PTER: variants seen among roughly 807,000 people sequenced by gnomAD.
The protein encoded by PTER is N-acetyltaurine hydrolase.
PTER carries 38 observed loss-of-function variants against 29.6 expected under a neutral mutation model. The observed-to-expected ratio is 1.28, with a 90% CI of 0.99 to 1.68. PTER has a LOEUF of 1.68. PTER is among the 40% of genes most tolerant of loss of function. PTER has a pLI of 0.00. For missense variants in PTER, 482 were observed against 427.8 expected (o/e 1.13, Z -1.12); for synonymous variants, 172 against 154.5 (o/e 1.11, Z -0.84).
chr10:16,510,894 A>T, intron 4 of PTER, 152 bp from the exon 5 acceptor site: 2 of 647,562 alleles, frequency 3.1e-6, no homozygotes, highest in South Asian at 3.8e-5. Context: ...GTCACCACAC[A>T]ATATTTATTA....
At chr10:16,498,965 CT>C (rs1353792202) in intron 3 of PTER, among the ~76,000 whole-genome samples, 4 of 152,178 alleles carry the variant, frequency 2.6e-5, no homozygotes, top group Non-Finnish European at 4.4e-5. Flanking sequence ...GTGAGTGTGT[CT>C]CCGTAGTGTG....
rs532809138 is a variant in PTER, at chr10:16,440,223, G to A, written c.-49+3176G>A. Among the ~76,000 whole-genome samples the A allele has an allele frequency of 8.6e-5, 13 of 151,778 alleles. No individual in the cohort carries two copies. The East Asian group carries it at 2.1e-3, about 25-fold the overall frequency. On this transcript the variant is annotated intron_variant, in intron 1 of 4. Transcript: ENST00000535784. Reference sequence around the variant, plus strand: ...TGGAAATATAGGCATGCACCACCACGCCCAGCTAATTTTTTTGTATTTTTG... The same window carrying A: ...TGGAAATATAGGCATGCACCACCACACCCAGCTAATTTTTTTGTATTTTTG...
intron 1 of PTER, among the ~76,000 whole-genome samples, chr10:16,459,794 G>A (rs999597240): frequency 6.6e-6 from 1 of 151,786 alleles, no homozygotes; most frequent in African/African-American, 2.4e-5. Context: ...CCTTACTCAG[G>A]CTGGGGTGCA....
At chr10:16,448,577 C>T (rs79135906) in intron 1 of PTER, among the ~76,000 whole-genome samples, 1,527 of 152,250 alleles carry the variant, frequency 0.01, 13 homozygotes, top group Non-Finnish European at 0.015. Flanking sequence ...AGGTGGAAGG[C>T]CCCTGAATTT....
chr10:16,447,877 G>A (rs1401776858), intron 1 of PTER, among the ~76,000 whole-genome samples: 3 of 152,150 alleles, frequency 2.0e-5, no homozygotes, highest in Non-Finnish European at 4.4e-5. Context: ...CAGGATTGGA[G>A]ACCATGGGCA....
intron 3 of PTER, among the ~76,000 whole-genome samples, chr10:16,495,651 C>T (rs1359154280): frequency 6.6e-6 from 1 of 152,088 alleles, no homozygotes; most frequent in Non-Finnish European, 1.5e-5. Flanking sequence ...TGCATAAATT[C>T]AGATGTCAGG....
intron 3 of PTER, among the ~76,000 whole-genome samples, chr10:16,499,043 G>C (rs1252514134): frequency 6.6e-6 from 1 of 152,148 alleles, no homozygotes; most frequent in African/African-American, 2.4e-5. Flanking sequence ...GGGGCAGCCT[G>C]GTTTAAGAAC....
At chr10:16,438,194 C>T (rs1407345379) in intron 1 of PTER, among the ~76,000 whole-genome samples, 1 of 151,976 alleles carries the variant, frequency 6.6e-6, no homozygotes, top group Non-Finnish European at 1.5e-5. Flanking sequence ...TTAGTAGAGA[C>T]GGGGTTTCAC....
rs141112424 is a variant in PTER, at chr10:16,467,036, A to G, written c.-48-17301A>G. 1.6e-4 allele frequency among the ~76,000 whole-genome samples: 24 copies of G among 152,294 alleles called. No individual in the cohort carries two copies. In the East Asian group the frequency reaches 2.3e-3, roughly 15 times the overall value. ...CAATGCAGATAGGAAATGTCTTTGG[A>G]GATGAAGTCACTTGCTGTTATTTTT... On this transcript the variant is annotated intron_variant, in intron 1 of 4. Transcript: ENST00000535784.
intron 1 of PTER, among the ~76,000 whole-genome samples, chr10:16,460,816 AAGAG>A (rs2133391210): frequency 6.6e-6 from 1 of 152,228 alleles, no homozygotes; most frequent in African/African-American, 2.4e-5. Context: ...TCCCGGGTTC[AAGAG>A]ATTCTCCTGC....
At chr10:16,509,953 TG>T (rs1836748317) in intron 4 of PTER, among the ~76,000 whole-genome samples, 1 of 152,206 alleles carries the variant, frequency 6.6e-6, no homozygotes, top group African/African-American at 2.4e-5. Context: ...CCCCACGTTT[TG>T]CTCACTGTAG....
chr10:16,498,872 G>T (rs1588626618), intron 3 of PTER, among the ~76,000 whole-genome samples: 1 of 152,198 alleles, frequency 6.6e-6, no homozygotes. Flanking sequence ...AAGCCATCCA[G>T]CTGAATGTCA....
At chr10:16,505,761 A>G (rs953136143) in intron 4 of PTER, among the ~76,000 whole-genome samples, 4 of 152,224 alleles carry the variant, frequency 2.6e-5, no homozygotes, top group African/African-American at 7.2e-5. Flanking sequence ...TCTTGGTCAC[A>G]TGGTGATAAG....
rs1187015125 is a variant in PTER, at chr10:16,486,568, C to G, written c.649C>G (p.Gln217Glu). Reference protein sequence around the residue: ...RAPFQIIRILQEAGADISKTV... With the variant: ...RAPFQIIRILEEAGADISKTV... The stretch of plus-strand genomic sequence containing the variant: ...ACCATTTCAGATTATCCGAATATTG[C>G]AAGAAGCAGGCGCAGACATCTCCAA... The change falls in exon 3 of 5, where the codon CAA becomes GAA. Residue 217 changes from glutamine to glutamate, a missense_variant. Transcript: ENST00000535784. 2.5e-6 allele frequency: 4 copies of G among 1,613,994 alleles called. No homozygotes were observed. The highest frequency in any genetic ancestry group is 2.5e-6 in the Non-Finnish European group (3 of 1,179,950).
the PTER span, among the ~76,000 whole-genome samples, chr10:16,518,800 G>A: frequency 6.6e-6 from 1 of 152,082 alleles, no homozygotes; most frequent in Admixed American, 6.5e-5. Context: ...TGAGTCAGAA[G>A]AGAGCCAATT....
chr10:16,493,207 C>T (rs1016296340), intron 3 of PTER, among the ~76,000 whole-genome samples: 1 of 152,136 alleles, frequency 6.6e-6, no homozygotes, highest in Non-Finnish European at 1.5e-5. Flanking sequence ...TTGGAACTTA[C>T]ACACATTTAA....
chr10:16,466,569 T>C (rs1319211273), intron 1 of PTER, among the ~76,000 whole-genome samples: 1 of 152,218 alleles, frequency 6.6e-6, no homozygotes, highest in Non-Finnish European at 1.5e-5. Flanking sequence ...TTGGCCAGGC[T>C]GGTCTCAAAC....
chr10:16,514,672 C>T, downstream of PTER: 1 of 1,613,822 alleles, frequency 6.2e-7, no homozygotes, highest in Non-Finnish European at 8.5e-7. Context: ...AGTCGTAATT[C>T]TGATCAGCAT....
At chr10:16,454,329 C>G (rs1398125911) in intron 1 of PTER, among the ~76,000 whole-genome samples, 2 of 152,080 alleles carry the variant, frequency 1.3e-5, no homozygotes, top group Non-Finnish European at 2.9e-5. Flanking sequence ...AATCCCAACA[C>G]TTTGGGAGGC....
Sources: allele counts gnomAD v4.1 joint callset (sites outside exome capture counted in the v4.1 genomes callset), GRCh38; gene constraint gnomAD v4.1.1; transcripts MANE v1.5; gene names NCBI Gene and HGNC (gene_info 2026-07-23, HGNC 2026-07-21).